COL9A1: variants seen among roughly 807,000 people sequenced by gnomAD.
COL9A1 encodes collagen type IX alpha 1 chain.
Under a neutral mutation model 142.6 loss-of-function variants are expected in COL9A1, and 104 were observed. The observed-to-expected ratio is 0.73, with a 90% confidence interval of 0.62 to 0.86. The LOEUF (loss-of-function observed/expected upper bound fraction) is 0.86, where lower values mean the gene tolerates loss of function less well. Among genes scored for constraint, COL9A1 ranks in the 40% least tolerant of loss-of-function variants. COL9A1 has a pLI of 0.00. For synonymous variants in COL9A1, 466 were observed against 396.0 expected, an observed-to-expected ratio of 1.18 and a Z score of -2.10; for missense variants, 1,210 against 1,176.6, an observed-to-expected ratio of 1.03 and a Z score of -0.42.
intron 21 of COL9A1, among the ~76,000 whole-genome samples, chr6:70,256,147 C>A (rs1013775493): frequency 1.3e-4 from 20 of 152,192 alleles, no homozygotes; most frequent in Non-Finnish European, 2.6e-4. Flanking sequence ...CCAACCTCCC[C>A]CTCAGGTCCT....
chr6:70,238,034 C>T (rs1021055026), intron 33 of COL9A1, among the ~76,000 whole-genome samples: 1 of 152,146 alleles, frequency 6.6e-6, no homozygotes, highest in Non-Finnish European at 1.5e-5. Flanking sequence ...AGATGAGGTT[C>T]GTGGAGCAAA....
intron 33 of COL9A1, among the ~76,000 whole-genome samples, chr6:70,235,464 T>G (rs932990910): frequency 2.0e-5 from 3 of 151,884 alleles, no homozygotes; most frequent in Non-Finnish European, 4.4e-5. Context: ...AAAATTATAA[T>G]AATAATAATA....
In COL9A1 at chr6:70,267,328, T is replaced by G. The variant is rs567615595; in HGVS notation, c.1288-558A>C. 6.3e-4 allele frequency among the ~76,000 whole-genome samples: 47 copies of G among 74,074 alleles called. 1 individual carries two copies. Among genetic ancestry groups the G allele is most frequent in the Non-Finnish European group, 3.5e-4 (12 of 33,976 alleles). The allele number at this position is 74,074 out of a possible 152,430, so 48.6% of individuals were successfully genotyped here. ...TGTTGTTGTTTGTTTGGTTTTTTTG[T>G]TTTTTTTTTTTGAGATGGAGCTTCG... On this transcript the variant is annotated intron_variant, in intron 17 of 37. Transcript: ENST00000357250.
At chr6:70,232,431 G>C in intron 36 of COL9A1, 152 bp downstream of exon 36, 1 of 915,090 alleles carries the variant, frequency 1.1e-6, no homozygotes, top group South Asian at 1.5e-5. Context: ...AACAGTTTTT[G>C]AATCTTCACC....
chr6:70,296,543 T>C (rs1292674062), intron 4 of COL9A1, among the ~76,000 whole-genome samples: 1 of 152,172 alleles, frequency 6.6e-6, no homozygotes, highest in Non-Finnish European at 1.5e-5. Flanking sequence ...GTTTGTCATA[T>C]TTTCTTTGAC....
Position 70,252,179 on chromosome 6 carries a change from A to G in COL9A1, c.1819-6T>C. ...CCTGGAGGCCCCTGTTGGCCCTGTT[A>G]TCAGGAAGGAAGGTAGAAAAAAAGT... On this transcript the variant is annotated splice_polypyrimidine_tract_variant and splice_region_variant and intron_variant, in intron 27 of 37. Coordinates refer to ENST00000357250, the MANE Select transcript of COL9A1 (RefSeq NM_001851.6). The G allele has an allele frequency of 6.2e-7, 1 of 1,614,192 alleles. No homozygotes were observed. The highest frequency in any genetic ancestry group is 8.5e-7 in the Non-Finnish European group (1 of 1,180,036).
rs1772210895 is a variant in COL9A1, at chr6:70,268,851, C to A, written c.1240G>T (p.Ala414Ser). Residue 414 changes from alanine to serine, a missense_variant, in exon 17 of 38, where the codon GCC (alanine) becomes TCC (serine). Ala to Ser is a moderately conservative substitution (Grantham distance 99, BLOSUM62 1). Coordinates refer to ENST00000357250, the MANE Select transcript of COL9A1 (RefSeq NM_001851.6). ...TATCCTGAGCGACCTGGTGGACAGG[C>A]ATTGGGACACTGCCAGGGAGAGAGG... Reference protein sequence around the residue: ...FHDGDPLCPNACPPGRSGYPG... With the variant: ...FHDGDPLCPNSCPPGRSGYPG... 1 of 1,613,924 alleles carries A rather than the reference C, an allele frequency of 6.2e-7. No homozygotes were observed. The highest frequency in any genetic ancestry group is 1.3e-5 in the African/African-American group (1 of 75,054).
chr6:70,255,124 C>T, intron 23 of COL9A1, 26 bp downstream of exon 23: 1 of 1,614,112 alleles, frequency 6.2e-7, no homozygotes, highest in Non-Finnish European at 8.5e-7. Flanking sequence ...GAAAAATGTG[C>T]TTGATGACTA....
intron 10 of COL9A1, chr6:70,280,269 A>G: frequency 2.4e-6 from 3 of 1,248,150 alleles, no homozygotes; most frequent in Non-Finnish European, 3.0e-6. Flanking sequence ...TTGAATTTCT[A>G]AATTCCCCGC....
intron 37 of COL9A1, among the ~76,000 whole-genome samples, chr6:70,217,749 CTT>C (rs1768617309): frequency 1.3e-5 from 2 of 152,176 alleles, no homozygotes; most frequent in South Asian, 4.1e-4. Flanking sequence ...AGACAAATAG[CTT>C]TACATTCTAG....
intron 28 of COL9A1, chr6:70,245,741 G>GGA (rs1770554724): frequency 6.6e-6 from 1 of 152,300 alleles, no homozygotes; most frequent in African/African-American, 2.4e-5. Flanking sequence ...GATCACTTGA[G>GGA]ATCAGGAGTT....
intron 33 of COL9A1, among the ~76,000 whole-genome samples, chr6:70,237,668 A>G (rs2127561967): frequency 6.6e-6 from 1 of 152,352 alleles, no homozygotes. Flanking sequence ...ATAGTGAAGT[A>G]GGATTTCTAT....
chr6:70,252,038 GGATA>G, intron 28 of COL9A1, 78 bp downstream of exon 28: 3 of 1,385,876 alleles, frequency 2.2e-6, no homozygotes, highest in Non-Finnish European at 3.1e-6. Flanking sequence ...CAGCATTCAT[GGATA>G]GATGGATGAA....
At chr6:70,283,938 G>A in intron 5 of COL9A1, 118 bp from the exon 6 acceptor site, 1 of 769,084 alleles carries the variant, frequency 1.3e-6, no homozygotes, top group Non-Finnish European at 2.3e-6. Flanking sequence ...TGAACTGGTT[G>A]AGCACACTGG....
chr6:70,260,838 A>C, intron 19 of COL9A1, 128 bp from the exon 20 acceptor site: 2 of 722,614 alleles, frequency 2.8e-6, no homozygotes, highest in Non-Finnish European at 4.6e-6. Context: ...AATAGTAACT[A>C]TATATATATA....
intron 21 of COL9A1, among the ~76,000 whole-genome samples, chr6:70,255,966 G>A (rs1464789346): frequency 6.6e-6 from 1 of 152,112 alleles, no homozygotes; most frequent in African/African-American, 2.4e-5. Flanking sequence ...ACTCAGGTTG[G>A]CATTAAACAT....
intron 17 of COL9A1, 32 bp downstream of exon 17, chr6:70,268,772 T>C: frequency 6.3e-7 from 1 of 1,596,254 alleles, no homozygotes; most frequent in Non-Finnish European, 8.6e-7. Context: ...CTGTGGATAA[T>C]ACTCTTAAAA....
At chr6:70,249,908 T>G (rs16868815) in intron 28 of COL9A1, among the ~76,000 whole-genome samples, 6,950 of 152,186 alleles carry the variant, frequency 0.046, 323 homozygotes, top group East Asian at 0.14. Flanking sequence ...CATGGTTCTG[T>G]CCCACAACAA....
Position 70,267,327 on chromosome 6 carries a change from G to GGTTTTTTTTT in COL9A1, c.1288-558_1288-557insAAAAAAAAAC, listed in dbSNP as rs757813161. Among the ~76,000 whole-genome samples the GGTTTTTTTTT allele has an allele frequency of 5.1e-3, 649 of 127,004 alleles. 21 individuals carry two copies. Among genetic ancestry groups the GGTTTTTTTTT allele is most frequent in the African/African-American group, 0.019 (627 of 33,608 alleles). 83.3% of individuals were successfully genotyped at this position (127,004 alleles called of 152,430 possible). A position where few individuals can be genotyped will look rare whatever the true frequency, so the allele number is the denominator to read the frequency against. On this transcript the variant is annotated intron_variant, in intron 17 of 37. Transcript: ENST00000357250. ...TTGTTGTTGTTTGTTTGGTTTTTTT[G>GGTTTTTTTTT]TTTTTTTTTTTTGAGATGGAGCTTC...
Sources: gnomAD v4.1 joint callset for allele counts (sites outside exome capture counted in the v4.1 genomes callset) on GRCh38, gnomAD v4.1.1 for gene constraint, MANE v1.5 for transcripts, NCBI Gene and HGNC (gene_info 2026-07-23, HGNC 2026-07-21) for gene names.